The following LSAMP variants were observed in gnomAD, a reference collection of about 807,000 sequenced individuals.
LSAMP encodes the protein limbic system associated membrane protein, also known as limbic system-associated membrane protein.
A neutral mutation model predicts 38.6 loss-of-function variants in LSAMP; 7 were observed. The observed-to-expected ratio is 0.18, with a 90% CI of 0.10 to 0.34. The LOEUF is 0.34. Ranked by LOEUF, LSAMP falls within the 10% of genes least tolerant of loss-of-function variation. The pLI is 1.00. For missense variants in LSAMP, 313 were observed against 420.0 expected (o/e 0.75, Z 2.23); for synonymous variants, 154 against 166.8 (o/e 0.92, Z 0.59).
intron 1 of LSAMP, among the ~76,000 whole-genome samples, chr3:116,138,468 C>A (rs1379948213): frequency 6.6e-6 from 1 of 151,968 alleles, no homozygotes; most frequent in African/African-American, 2.4e-5. Flanking sequence ...AAGCAATTTT[C>A]TAAAGATTGA....
intron 1 of LSAMP, among the ~76,000 whole-genome samples, chr3:116,272,306 T>TAAC (rs2046985067): frequency 6.6e-6 from 1 of 152,084 alleles, no homozygotes; most frequent in African/African-American, 2.4e-5. Flanking sequence ...AAGGCAAAAA[T>TAAC]AACAATGGAC....
chr3:116,259,954 G>A (rs879571442), intron 1 of LSAMP, among the ~76,000 whole-genome samples: 8 of 151,802 alleles, frequency 5.3e-5, no homozygotes, highest in South Asian at 2.1e-4. Context: ...CTATCCTCAC[G>A]CTATGCATCT....
chr3:116,300,056 C>T (rs561788237), intron 1 of LSAMP, among the ~76,000 whole-genome samples: 1 of 152,268 alleles, frequency 6.6e-6, no homozygotes, highest in East Asian at 1.9e-4. Flanking sequence ...CCTCCCTTTC[C>T]ACCTTCCACC....
intron 3 of LSAMP, among the ~76,000 whole-genome samples, chr3:116,016,709 G>A (rs1387998737): frequency 6.6e-6 from 1 of 152,180 alleles, no homozygotes; most frequent in East Asian, 1.9e-4. Context: ...AAATGAATGA[G>A]CATGGCTGGG....
chr3:115,840,603 AG>A (rs1411217674), intron 6 of LSAMP, among the ~76,000 whole-genome samples: 21 of 152,258 alleles, frequency 1.4e-4, no homozygotes, highest in Admixed American at 1.4e-3. Context: ...GTTACAAATG[AG>A]AAACTAAAGG....
At chr3:116,158,156 C>G (rs991449058) in intron 1 of LSAMP, among the ~76,000 whole-genome samples, 60 of 152,076 alleles carry the variant, frequency 3.9e-4, no homozygotes, top group African/African-American at 1.4e-3. Flanking sequence ...AGTCAACATC[C>G]CTTTGTGTTA....
At chr3:116,420,144 C>T (rs1410546670) in intron 1 of LSAMP, among the ~76,000 whole-genome samples, 1 of 151,372 alleles carries the variant, frequency 6.6e-6, no homozygotes, top group African/African-American at 2.4e-5. Flanking sequence ...GTCACCCAGA[C>T]CAGAGTGCAG....
At chr3:116,378,157 G>A (rs2048516525) in intron 1 of LSAMP, among the ~76,000 whole-genome samples, 1 of 152,008 alleles carries the variant, frequency 6.6e-6, no homozygotes. Flanking sequence ...TTGACCACAT[G>A]TTCACAAGAG....
At chr3:115,849,044 T>G (rs1412191002) in intron 4 of LSAMP, among the ~76,000 whole-genome samples, 1 of 152,164 alleles carries the variant, frequency 6.6e-6, no homozygotes, top group African/African-American at 2.4e-5. Flanking sequence ...GAACTGCACC[T>G]AGAACCTGCA....
At chr3:116,359,603 C>T (rs757142214) in intron 1 of LSAMP, among the ~76,000 whole-genome samples, 7 of 152,088 alleles carry the variant, frequency 4.6e-5, no homozygotes, top group Non-Finnish European at 8.8e-5. Flanking sequence ...TTCAGGGGTA[C>T]ATGTGCAGGT....
intron 1 of LSAMP, among the ~76,000 whole-genome samples, chr3:116,216,945 G>A (rs1025103875): frequency 2.0e-5 from 3 of 152,142 alleles, no homozygotes; most frequent in African/African-American, 7.2e-5. Context: ...AAGAACAGAT[G>A]GTTTAGTGGT....
chr3:116,343,078 G>A (rs1019260727), intron 1 of LSAMP, among the ~76,000 whole-genome samples: 3 of 152,012 alleles, frequency 2.0e-5, no homozygotes, highest in Non-Finnish European at 2.9e-5. Flanking sequence ...CACAAAAGTG[G>A]AAAAATAGAA....
intron 1 of LSAMP, among the ~76,000 whole-genome samples, chr3:116,125,178 A>G (rs916128638): frequency 6.6e-6 from 1 of 152,166 alleles, no homozygotes; most frequent in Non-Finnish European, 1.5e-5. Flanking sequence ...ATTCATTTTC[A>G]TATCTAAAGC....
chr3:115,965,682 A>T (rs1264672582), intron 3 of LSAMP, among the ~76,000 whole-genome samples: 1 of 151,642 alleles, frequency 6.6e-6, no homozygotes, highest in Non-Finnish European at 1.5e-5. Context: ...TTAAAGTCCA[A>T]AAAAGAAAGA....
chr3:116,241,827 C>T (rs1445952062), intron 1 of LSAMP, among the ~76,000 whole-genome samples: 1 of 152,188 alleles, frequency 6.6e-6, no homozygotes. Flanking sequence ...AAATATGTTT[C>T]CTCACCACTA....
intron 6 of LSAMP, among the ~76,000 whole-genome samples, chr3:115,820,559 T>C (rs542944409): frequency 1.3e-5 from 2 of 152,288 alleles, no homozygotes; most frequent in South Asian, 4.1e-4. Flanking sequence ...TGTCCTTGAT[T>C]TTTGACTTTC....
At chr3:116,322,491 C>T (rs6810089) in intron 1 of LSAMP, among the ~76,000 whole-genome samples, 116,137 of 152,018 alleles carry the variant, frequency 0.76, 44,660 homozygotes, top group East Asian at 0.86. Context: ...GATAGATTAT[C>T]GGTACACAAG....
Position 115,808,745 on chromosome 3 carries a change from T to C in LSAMP, c.*1572A>G, listed in dbSNP as rs572377807. ...ATTATGCAGGCAACCAAATAAAACA[T>C]TAACCTAGAACACTGGGAAAAACAT... On this transcript the variant is annotated 3_prime_UTR_variant, in exon 7 of 7. Coordinates refer to ENST00000490035, the MANE Select transcript of LSAMP (RefSeq NM_002338.5). 300 of 152,258 alleles carry C rather than the reference T, an allele frequency of 2.0e-3. No homozygotes were observed. The highest frequency in any genetic ancestry group is 6.9e-3 in the African/African-American group (286 of 41,536). The allele number at this position is 152,258 out of a possible 1,614,324, so 9.4% of individuals were successfully genotyped here.
chr3:115,842,321 G>C (rs1415519578), intron 5 of LSAMP, 137 bp downstream of exon 5: 2 of 1,207,690 alleles, frequency 1.7e-6, no homozygotes, highest in East Asian at 5.3e-5. Flanking sequence ...AATTTGATAA[G>C]AGATACTAAA....
Sources: gnomAD v4.1 joint callset for allele counts (sites outside exome capture counted in the v4.1 genomes callset) on GRCh38, gnomAD v4.1.1 for gene constraint, MANE v1.5 for transcripts, NCBI Gene and HGNC (gene_info 2026-07-23, HGNC 2026-07-21) for gene names.